Variants in RPAP2 observed in about 807,000 individuals in gnomAD.
RPAP2 encodes the protein RNA polymerase II associated protein 2.
A neutral mutation model predicts 73.1 loss-of-function variants in RPAP2; 52 were observed. The ratio of observed to expected loss-of-function variants is 0.71; its 90% CI spans 0.57 to 0.90. RPAP2 has a LOEUF of 0.90. Ranked by LOEUF, RPAP2 falls within the 40% of genes least tolerant of loss-of-function variation. RPAP2 has a pLI of 0.00. For missense variants in RPAP2, 598 were observed against 701.8 expected, an observed-to-expected ratio of 0.85 and a Z score of 1.67; for synonymous variants, 225 against 242.1, an observed-to-expected ratio of 0.93 and a Z score of 0.65.
chr1:92,324,438 A>G, intron 8 of RPAP2, 63 bp downstream of exon 8: 11 of 1,196,778 alleles, frequency 9.2e-6, no homozygotes, highest in Non-Finnish European at 1.3e-5. Context: ...ACCACAGCAA[A>G]TCTTGGAGCA....
rs1656321599 is a variant in RPAP2, at chr1:92,401,724, T to G, written c.*14713T>G. On this transcript the variant is annotated 3_prime_UTR_variant, in exon 13 of 13. Coordinates refer to ENST00000610020, the MANE Select transcript of RPAP2 (RefSeq NM_024813.3). ...CTGGTATTCATAGTTTGCTAAAAGGTTTTTGTCATTTTAAATCATAAATGG... is the reference window on the plus strand; with the variant it reads ...CTGGTATTCATAGTTTGCTAAAAGGGTTTTGTCATTTTAAATCATAAATGG... 1 of 152,196 alleles carries G rather than the reference T, an allele frequency of 6.6e-6. No homozygotes were observed. Among genetic ancestry groups the G allele is most frequent in the South Asian group, 2.1e-4 (1 of 4,834 alleles). The allele number at this position is 152,196 out of a possible 1,614,324, so 9.4% of individuals were successfully genotyped here. A position where few individuals can be genotyped will look rare whatever the true frequency, so the allele number is the denominator to read the frequency against.
intron 6 of RPAP2, among the ~76,000 whole-genome samples, chr1:92,312,769 A>G (rs1651668430): frequency 6.6e-6 from 1 of 152,030 alleles, no homozygotes; most frequent in Non-Finnish European, 1.5e-5. Flanking sequence ...AGCACTTGTT[A>G]ATGTTGATAT....
intron 11 of RPAP2, among the ~76,000 whole-genome samples, chr1:92,376,740 G>A (rs1292751500): frequency 1.3e-5 from 2 of 152,192 alleles, no homozygotes; most frequent in African/African-American, 4.8e-5. Flanking sequence ...GTACGTATGA[G>A]TCAGGCAAGT....
At chr1:92,368,417 T>C (rs184584622) in intron 11 of RPAP2, among the ~76,000 whole-genome samples, 5 of 152,258 alleles carry the variant, frequency 3.3e-5, no homozygotes, top group Admixed American at 3.3e-4. Context: ...CTGACTTTTA[T>C]TGTACTCCAC....
At position 92,387,019 on chromosome 1, in the gene RPAP2, C is replaced by T. The variant is rs755412118; in HGVS notation, c.*8C>T. On this transcript the variant is annotated 3_prime_UTR_variant, in exon 13 of 13. Coordinates refer to ENST00000610020, the MANE Select transcript of RPAP2 (RefSeq NM_024813.3). ...CCTTTTTTGCTTCACAGATATATTC[C>T]ATGAAGACAAAATAGAAGATGAACT... 1.3e-6 allele frequency: 2 copies of T among 1,588,800 alleles called. No individual in the cohort carries two copies. Among genetic ancestry groups the T allele is most frequent in the South Asian group, 2.3e-5 (2 of 88,264 alleles).
chr1:92,309,556 CACATACACATACACATATACATAT>C (rs1407906756), intron 6 of RPAP2, among the ~76,000 whole-genome samples: 1 of 70,410 alleles, frequency 1.4e-5, no homozygotes, highest in Non-Finnish European at 2.8e-5. Context: ...CATACACATA[CACATACACATACACATATACATAT>C]ACATACACAT....
At chr1:92,330,180 A>G (rs540749576) in intron 8 of RPAP2, among the ~76,000 whole-genome samples, 1 of 152,346 alleles carries the variant, frequency 6.6e-6, no homozygotes, top group African/African-American at 2.4e-5. Flanking sequence ...TGCAGCCCAT[A>G]CAGATCAGCC....
At chr1:92,373,914 G>T (rs559488395) in intron 11 of RPAP2, among the ~76,000 whole-genome samples, 2 of 151,806 alleles carry the variant, frequency 1.3e-5, no homozygotes, top group South Asian at 4.2e-4. Flanking sequence ...AGCAAAACTT[G>T]GTCTCAAAAA....
chr1:92,347,158 T>G (rs574498774), intron 11 of RPAP2, among the ~76,000 whole-genome samples: 6 of 152,362 alleles, frequency 3.9e-5, no homozygotes, highest in African/African-American at 1.4e-4. Flanking sequence ...ATAACTTTAC[T>G]TGAATGCCCT....
chr1:92,385,173 C>CA (rs10708018), intron 12 of RPAP2, among the ~76,000 whole-genome samples: 46 of 122,988 alleles, frequency 3.7e-4, no homozygotes, highest in African/African-American at 4.2e-4. Context: ...GACCCTGTCT[C>CA]AAAAAAAAAA....
At chr1:92,367,601 A>T (rs1006458213) in intron 11 of RPAP2, among the ~76,000 whole-genome samples, 1 of 152,144 alleles carries the variant, frequency 6.6e-6, no homozygotes, top group African/African-American at 2.4e-5. Flanking sequence ...ACCTTTATGC[A>T]TGGTAATCAG....
Position 92,387,373 on chromosome 1 carries a change from G to A in RPAP2, c.*362G>A, listed in dbSNP as rs141327009. The A allele has an allele frequency of 9.7e-3, 1,557 of 160,550 alleles. 25 individuals carry two copies. The highest frequency in any genetic ancestry group is 0.035 in the African/African-American group (1,486 of 41,908). 9.9% of individuals were successfully genotyped at this position (160,550 alleles called of 1,614,324 possible). On this transcript the variant is annotated 3_prime_UTR_variant, in exon 13 of 13. Transcript: ENST00000610020. ...TGATTTCCAGCCATCATATCAGTTTGCCAAAAAAATTGAGAAAGTTATGAT... is the reference window on the plus strand; with the variant it reads ...TGATTTCCAGCCATCATATCAGTTTACCAAAAAAATTGAGAAAGTTATGAT...
In RPAP2 at chr1:92,387,797, C is replaced by A. The variant is rs1655919202; in HGVS notation, c.*786C>A. 1 of 152,176 alleles carries A rather than the reference C, an allele frequency of 6.6e-6. No individual in the cohort carries two copies. 9.4% of individuals were successfully genotyped at this position (152,176 alleles called of 1,614,324 possible). Reference sequence around the variant, plus strand: ...GGGCAAGGAGGTAGGGATATAATTTCTCTTCTTGGCTCCACCAGTAATTAG... The same window carrying A: ...GGGCAAGGAGGTAGGGATATAATTTATCTTCTTGGCTCCACCAGTAATTAG... On this transcript the variant is annotated 3_prime_UTR_variant, in exon 13 of 13. Transcript: ENST00000610020.
At chr1:92,376,786 G>C (rs1226514816) in intron 11 of RPAP2, among the ~76,000 whole-genome samples, 2 of 152,186 alleles carry the variant, frequency 1.3e-5, no homozygotes, top group East Asian at 1.9e-4. Flanking sequence ...AGCCTACAAA[G>C]AATGAAAGCT....
chr1:92,357,362 A>G (rs1331117383), intron 11 of RPAP2, among the ~76,000 whole-genome samples: 1 of 152,242 alleles, frequency 6.6e-6, no homozygotes, highest in East Asian at 1.9e-4. Context: ...TTGGGAGGTT[A>G]TAACAGAAGT....
intron 5 of RPAP2, 103 bp downstream of exon 5, chr1:92,304,452 C>A: frequency 3.6e-6 from 2 of 557,376 alleles, no homozygotes; most frequent in Non-Finnish European, 3.1e-6. Flanking sequence ...AAATAGGATT[C>A]TAAAAGAAAC....
intron 10 of RPAP2, among the ~76,000 whole-genome samples, chr1:92,341,964 T>C (rs1653618031): frequency 6.6e-6 from 1 of 152,230 alleles, no homozygotes; most frequent in South Asian, 2.1e-4. Flanking sequence ...TTTTATTCTT[T>C]TGTCATTTTA....
intron 5 of RPAP2, among the ~76,000 whole-genome samples, chr1:92,305,450 A>AAAAAAAAAAAAAAAAAAAAAC (rs1202528088): frequency 7.0e-6 from 1 of 141,852 alleles, no homozygotes; most frequent in African/African-American, 3.0e-5. Context: ...AAAAAAAAAA[A>AAAAAAAAAAAAAAAAAAAAAC]AGACAATATG....
intron 11 of RPAP2, among the ~76,000 whole-genome samples, chr1:92,370,453 G>A (rs188490887): frequency 8.5e-5 from 13 of 152,106 alleles, no homozygotes; most frequent in East Asian, 7.7e-4. Context: ...AAGAGCTTTC[G>A]TACCCCCCCA....
Sources: allele counts gnomAD v4.1 joint callset (sites outside exome capture counted in the v4.1 genomes callset), GRCh38; gene constraint gnomAD v4.1.1; transcripts MANE v1.5; gene names NCBI Gene and HGNC (gene_info 2026-07-23, HGNC 2026-07-21).